The following DMD variants were observed in gnomAD, a reference collection of about 807,000 sequenced individuals.
DMD encodes mutant dystrophin.
A neutral mutation model predicts 330.1 loss-of-function variants in DMD; 63 were observed. That is an observed-to-expected ratio of 0.19 (90% CI 0.16 to 0.24). The LOEUF (loss-of-function observed/expected upper bound fraction) is 0.24. Ranked by LOEUF, DMD falls within the 10% of genes least tolerant of loss-of-function variation. The pLI, the probability that DMD is intolerant of heterozygous loss-of-function variation, is 1.00. For synonymous variants in DMD, 1,223 were observed against 959.8 expected (o/e 1.27, Z -5.07); for missense variants, 3,344 against 2,684.1 (o/e 1.25, Z -5.43).
At chrX:32,595,667 A>G in intron 13 of DMD, 90 bp downstream of exon 13, 2 of 887,399 alleles carry the variant, frequency 2.3e-6, no homozygotes, top group Non-Finnish European at 3.2e-6. Flanking sequence ...GTATTTTAAT[A>G]TATAAATTGC....
intron 47 of DMD, among the ~76,000 whole-genome samples, chrX:31,914,515 C>T (rs1036248552): frequency 4.5e-5 from 5 of 112,055 alleles, no homozygotes; most frequent in African/African-American, 1.3e-4. Flanking sequence ...ATAAAGAAAA[C>T]GTGGTACATA....
At chrX:33,116,147 G>T (rs915525539) in intron 1 of DMD, among the ~76,000 whole-genome samples, 1 of 109,039 alleles carries the variant, frequency 9.2e-6, no homozygotes, top group Non-Finnish European at 1.9e-5. Context: ...GAGCCGAGAT[G>T]GTGCCACTGC....
intron 1 of DMD, among the ~76,000 whole-genome samples, chrX:33,175,527 C>T (rs747828525): frequency 2.7e-5 from 3 of 112,432 alleles, no homozygotes; most frequent in African/African-American, 9.7e-5. Context: ...ACCAATTATA[C>T]ACTATGCCCT....
intron 9 of DMD, among the ~76,000 whole-genome samples, chrX:32,688,256 T>A (rs6527217): frequency 0.14 from 15,589 of 111,070 alleles, 2,612 homozygotes; most frequent in African/African-American, 0.47. Flanking sequence ...ATTGACTCTA[T>A]TTTTGTAACA....
chrX:32,046,814 C>T (rs2096067516), intron 44 of DMD, among the ~76,000 whole-genome samples: 1 of 112,000 alleles, frequency 8.9e-6, no homozygotes, highest in South Asian at 3.7e-4. Context: ...GTCTGGAACT[C>T]ATACTCTTTG....
At chrX:32,728,929 T>A (rs1341655642) in intron 7 of DMD, among the ~76,000 whole-genome samples, 1 of 112,013 alleles carries the variant, frequency 8.9e-6, no homozygotes, top group Admixed American at 9.5e-5. Context: ...ACCTATCCAC[T>A]CATTTAGTAA....
chrX:31,586,468 T>C (rs779287164), intron 55 of DMD, among the ~76,000 whole-genome samples: 1 of 113,031 alleles, frequency 8.8e-6, no homozygotes, highest in South Asian at 3.6e-4. Context: ...TTTATACTAA[T>C]GTGAAAGACT....
chrX:32,540,967 C>T (rs1470365355), intron 17 of DMD, among the ~76,000 whole-genome samples: 6 of 111,248 alleles, frequency 5.4e-5, no homozygotes. Flanking sequence ...TTTAGTAAAT[C>T]AATTAGAAAG....
intron 16 of DMD, among the ~76,000 whole-genome samples, chrX:32,549,040 A>T: frequency 8.9e-6 from 1 of 112,109 alleles, no homozygotes; most frequent in Non-Finnish European, 1.9e-5. Context: ...CATGAAAAGA[A>T]AATACATTTC....
intron 1 of DMD, among the ~76,000 whole-genome samples, chrX:33,331,125 C>A (rs1383384855): frequency 8.9e-6 from 1 of 111,762 alleles, no homozygotes. Context: ...CAGAAACAAC[C>A]TTTCATTTCA....
chrX:32,522,857 A>C (rs1051458479), intron 17 of DMD, among the ~76,000 whole-genome samples: 4 of 112,311 alleles, frequency 3.6e-5, no homozygotes, highest in African/African-American at 1.3e-4. Flanking sequence ...GGTGAAATTT[A>C]TTTGTCTGAC....
intron 54 of DMD, among the ~76,000 whole-genome samples, chrX:31,641,833 C>A (rs1353207199): frequency 8.9e-6 from 1 of 111,911 alleles, no homozygotes; most frequent in Non-Finnish European, 1.9e-5. Context: ...AGGACTCTTA[C>A]AACATATGAA....
chrX:32,932,375 T>C (rs1218980229), intron 2 of DMD, among the ~76,000 whole-genome samples: 1 of 112,156 alleles, frequency 8.9e-6, no homozygotes, highest in Non-Finnish European at 1.9e-5. Context: ...TGTCATATTA[T>C]ATATAGTTTC....
chrX:31,756,976 A>G (rs1266843842), intron 51 of DMD, among the ~76,000 whole-genome samples: 6 of 100,881 alleles, frequency 5.9e-5, no homozygotes, highest in Admixed American at 2.2e-4. Flanking sequence ...GTGATCACTT[A>G]AAGTTTGTTT....
intron 44 of DMD, among the ~76,000 whole-genome samples, chrX:32,144,240 C>T (rs777175352): frequency 5.4e-5 from 6 of 111,851 alleles, no homozygotes; most frequent in Non-Finnish European, 1.1e-4. Flanking sequence ...CCATTCCACT[C>T]ATATGGATTC....
At chrX:32,098,793 T>C (rs935929709) in intron 44 of DMD, among the ~76,000 whole-genome samples, 3 of 112,280 alleles carry the variant, frequency 2.7e-5, no homozygotes, top group Non-Finnish European at 5.6e-5. Flanking sequence ...GCAACTTATG[T>C]TTTCATGAAG....
At chrX:31,890,986 G>A (rs1281442680) in intron 47 of DMD, among the ~76,000 whole-genome samples, 2 of 111,686 alleles carry the variant, frequency 1.8e-5, no homozygotes, top group East Asian at 5.6e-4. Flanking sequence ...GCAATTTGAT[G>A]CATTATTGTT....
chrX:32,503,347 G>A (rs1035571754), intron 18 of DMD, among the ~76,000 whole-genome samples: 6 of 112,027 alleles, frequency 5.4e-5, no homozygotes, highest in African/African-American at 9.7e-5. Flanking sequence ...CTATCATTGC[G>A]CCACTGTACT....
At chrX:32,335,373 T>A (rs1206042629) in intron 41 of DMD, among the ~76,000 whole-genome samples, 1 of 105,523 alleles carries the variant, frequency 9.5e-6, no homozygotes, top group African/African-American at 3.4e-5. Context: ...GCTAATTTTA[T>A]ATATAAAACA....
Sources: gnomAD v4.1 joint callset for allele counts (sites outside exome capture counted in the v4.1 genomes callset) on GRCh38, gnomAD v4.1.1 for gene constraint, MANE v1.5 for transcripts, NCBI Gene and HGNC (gene_info 2026-07-23, HGNC 2026-07-21) for gene names.